The following SLC38A4 variants were observed in gnomAD, a reference collection of about 807,000 sequenced individuals.
The protein encoded by SLC38A4 is solute carrier family 38 member 4, also known as sodium-coupled neutral amino acid transporter 4.
Under a neutral mutation model 63.1 loss-of-function variants are expected in SLC38A4, and 20 were observed. The observed-to-expected ratio is 0.32, with a 90% CI of 0.22 to 0.46. The LOEUF is 0.46. Among genes scored for constraint, SLC38A4 ranks in the 20% least tolerant of loss-of-function variants. The pLI is 1.00. For missense variants in SLC38A4, 526 were observed against 663.6 expected (o/e 0.79, Z 2.28); for synonymous variants, 230 against 225.5 (o/e 1.02, Z -0.18).
chr12:46,792,708 T>C (rs759248805), intron 3 of SLC38A4, among the ~76,000 whole-genome samples: 5 of 152,078 alleles, frequency 3.3e-5, no homozygotes, highest in Non-Finnish European at 5.9e-5. Flanking sequence ...TAGGCTAAAA[T>C]AATTAAAATT....
At chr12:46,814,820 A>C (rs1323667293) in intron 1 of SLC38A4, among the ~76,000 whole-genome samples, 1 of 151,834 alleles carries the variant, frequency 6.6e-6, no homozygotes, top group Non-Finnish European at 1.5e-5. Flanking sequence ...CCATCTTTAC[A>C]TCTCTTAAAT....
At chr12:46,781,981 TG>T (rs1275883907) in intron 7 of SLC38A4, among the ~76,000 whole-genome samples, 1 of 152,026 alleles carries the variant, frequency 6.6e-6, no homozygotes, top group African/African-American at 2.4e-5. Context: ...TGTTGGGATT[TG>T]GGGGGCTAAT....
Position 46,788,619 on chromosome 12 carries a change from C to T in SLC38A4, c.120-1G>A. 1 of 1,609,360 alleles carries T rather than the reference C, an allele frequency of 6.2e-7. No individual in the cohort carries two copies. ...TTCAGTGTCTTCATTAGCAAATTGA[C>T]TGAACACACACACACACAAATAAGA... On this transcript the variant is annotated splice_acceptor_variant, in intron 3 of 16. Transcript: ENST00000266579. LOFTEE classifies it high-confidence loss of function.
At chr12:46,811,034 A>G (rs997436693) in intron 1 of SLC38A4, among the ~76,000 whole-genome samples, 2 of 152,080 alleles carry the variant, frequency 1.3e-5, no homozygotes, top group African/African-American at 2.4e-5. Context: ...AATATTGTTG[A>G]GAAAAATGGG....
At chr12:46,794,532 A>C (rs1938960110) in intron 2 of SLC38A4, among the ~76,000 whole-genome samples, 2 of 151,808 alleles carry the variant, frequency 1.3e-5, no homozygotes, top group Admixed American at 6.6e-5. Context: ...AAAAAGAGTC[A>C]AAAAAAGGAA....
At chr12:46,803,041 A>G (rs1939163480) in intron 2 of SLC38A4, among the ~76,000 whole-genome samples, 1 of 152,076 alleles carries the variant, frequency 6.6e-6, no homozygotes. Context: ...TGGTCAAATT[A>G]AGAAGAAAAG....
intron 7 of SLC38A4, 113 bp downstream of exon 7, chr12:46,784,429 A>G (rs1272529989): frequency 6.2e-6 from 4 of 646,570 alleles, no homozygotes; most frequent in South Asian, 7.2e-5. Context: ...TTTAAGAACT[A>G]TAAGTAGCAA....
intron 13 of SLC38A4, among the ~76,000 whole-genome samples, chr12:46,775,549 T>C (rs1053065115): frequency 6.6e-6 from 1 of 151,916 alleles, no homozygotes; most frequent in Non-Finnish European, 1.5e-5. Flanking sequence ...ACCTCCCCTG[T>C]CCCTACCTGC....
At chr12:46,770,337 G>A (rs953303692) in intron 14 of SLC38A4, among the ~76,000 whole-genome samples, 2 of 151,694 alleles carry the variant, frequency 1.3e-5, no homozygotes, top group African/African-American at 4.8e-5. Context: ...ACGTTTTTGT[G>A]TTTGCTCCTT....
chr12:46,807,290 C>T (rs753320419), intron 1 of SLC38A4, among the ~76,000 whole-genome samples: 3 of 151,826 alleles, frequency 2.0e-5, no homozygotes, highest in Non-Finnish European at 4.4e-5. Context: ...TTTCTTGCTT[C>T]CATTTCTTTT....
chr12:46,816,754 C>T (rs1939449637), intron 1 of SLC38A4, among the ~76,000 whole-genome samples: 1 of 151,834 alleles, frequency 6.6e-6, no homozygotes, highest in Non-Finnish European at 1.5e-5. Context: ...CACATGGCTA[C>T]TGAACGGTTT....
intron 2 of SLC38A4, among the ~76,000 whole-genome samples, chr12:46,794,540 G>A (rs1437564427): frequency 6.6e-6 from 1 of 150,976 alleles, no homozygotes; most frequent in African/African-American, 2.4e-5. Flanking sequence ...TCAAAAAAAG[G>A]AATTCTTAAA....
At chr12:46,806,063 C>T (rs1390707951) in intron 1 of SLC38A4, among the ~76,000 whole-genome samples, 5 of 151,428 alleles carry the variant, frequency 3.3e-5, no homozygotes, top group African/African-American at 7.3e-5. Flanking sequence ...GACCTTGAGC[C>T]GGCTATTAAA....
chr12:46,802,080 G>A (rs966796067), intron 2 of SLC38A4, among the ~76,000 whole-genome samples: 1 of 151,980 alleles, frequency 6.6e-6, no homozygotes, highest in Non-Finnish European at 1.5e-5. Flanking sequence ...GCTAATATAA[G>A]AATTAAAGCA....
chr12:46,774,568 T>C (rs938976296), intron 14 of SLC38A4, among the ~76,000 whole-genome samples: 3 of 152,192 alleles, frequency 2.0e-5, no homozygotes, highest in African/African-American at 7.2e-5. Flanking sequence ...GTATATAATT[T>C]ACTTAACATG....
At chr12:46,796,561 C>A (rs534701653) in intron 2 of SLC38A4, among the ~76,000 whole-genome samples, 4 of 152,246 alleles carry the variant, frequency 2.6e-5, no homozygotes, top group African/African-American at 9.6e-5. Context: ...CTTGTAGGTT[C>A]TGTGTAAGTG....
chr12:46,803,324 C>T (rs756463293), intron 2 of SLC38A4, among the ~76,000 whole-genome samples: 1 of 151,894 alleles, frequency 6.6e-6, no homozygotes, highest in Non-Finnish European at 1.5e-5. Flanking sequence ...CACATTTTAC[C>T]GGCTGTATTT....
chr12:46,818,645 T>A (rs1312812088), intron 1 of SLC38A4, among the ~76,000 whole-genome samples: 2 of 151,874 alleles, frequency 1.3e-5, no homozygotes, highest in African/African-American at 4.8e-5. Context: ...AATCATTACA[T>A]CTAAACCACT....
At chr12:46,768,505 A>G in intron 15 of SLC38A4, 98 bp from the exon 16 acceptor site, 1 of 721,666 alleles carries the variant, frequency 1.4e-6, no homozygotes, top group Non-Finnish European at 2.2e-6. Flanking sequence ...ATATAAAGCT[A>G]TCCTATACTT....
Sources: allele counts gnomAD v4.1 joint callset (sites outside exome capture counted in the v4.1 genomes callset), GRCh38; gene constraint gnomAD v4.1.1; transcripts MANE v1.5; gene names NCBI Gene and HGNC (gene_info 2026-07-23, HGNC 2026-07-21).